CPSF6: variants seen among roughly 807,000 people sequenced by gnomAD.
The protein encoded by CPSF6 is cleavage and polyadenylation specific factor 6, also known as cleavage and polyadenylation specificity factor subunit 6.
In CPSF6, 10 loss-of-function variants were observed where a neutral mutation model predicts 56.7. That is an observed-to-expected ratio of 0.18 (90% CI 0.11 to 0.30). The LOEUF is 0.30. CPSF6 is among the 10% of genes least tolerant of loss of function. CPSF6 has a pLI of 1.00. For synonymous variants in CPSF6, 248 were observed against 244.8 expected (o/e 1.01, Z -0.12); for missense variants, 419 against 722.9 (o/e 0.58, Z 4.82).
At chr12:69,255,720 G>A (rs2120541808) in intron 3 of CPSF6, among the ~76,000 whole-genome samples, 1 of 152,236 alleles carries the variant, frequency 6.6e-6, no homozygotes, top group African/African-American at 2.4e-5. Flanking sequence ...TGAATTTTTA[G>A]TAGAGACGGG....
chr12:69,264,232 G>C (rs1411553467), intron 9 of CPSF6, among the ~76,000 whole-genome samples: 1 of 151,982 alleles, frequency 6.6e-6, no homozygotes, highest in Non-Finnish European at 1.5e-5. Flanking sequence ...GGTTCTGTAA[G>C]TTACCTATTT....
rs183225691 is a variant in CPSF6, at chr12:69,260,336, T to G, written c.1469+139T>G. The G allele has an allele frequency of 5.4e-5, 33 of 615,472 alleles. No individual in the cohort carries two copies. In the African/African-American group the frequency reaches 5.9e-4, roughly 11 times the overall value. The allele number at this position is 615,472 out of a possible 1,614,324, so 38.1% of individuals were successfully genotyped here. A position where few individuals can be genotyped will look rare whatever the true frequency, so the allele number is the denominator to read the frequency against. On this transcript the variant is annotated intron_variant, in intron 8 of 9. Coordinates refer to ENST00000435070, the MANE Select transcript of CPSF6 (RefSeq NM_007007.3). The stretch of plus-strand genomic sequence containing the variant: ...CTGGAGTGGTTTTTTTTTTTAACTC[T>G]AAATGTTAGTTGCTTGCTTAAAACC...
chr12:69,247,973 A>G (rs1000389587), intron 1 of CPSF6, among the ~76,000 whole-genome samples: 1 of 152,242 alleles, frequency 6.6e-6, no homozygotes, highest in African/African-American at 2.4e-5. Flanking sequence ...CCACATGGAG[A>G]TCAAACCCCA....
chr12:69,262,312 A>T (rs1872775712), intron 8 of CPSF6, 61 bp from the exon 9 acceptor site: 3 of 1,441,210 alleles, frequency 2.1e-6, no homozygotes, highest in African/African-American at 1.4e-5. Flanking sequence ...ACATCAAAAA[A>T]TTGAATATTT....
In CPSF6 at chr12:69,273,097, G is replaced by T. The variant is rs778078441; in HGVS notation, c.*3589G>T. 2.3e-6 allele frequency: 1 copy of T among 426,022 alleles called. No individual in the cohort carries two copies. The highest frequency in any genetic ancestry group is 2.1e-5 in the African/African-American group (1 of 48,228). The allele number at this position is 426,022 out of a possible 1,614,324, so 26.4% of individuals were successfully genotyped here. A position where few individuals can be genotyped will look rare whatever the true frequency, so the allele number is the denominator to read the frequency against. ...TTGATTTAGATAAATCAAGATTCAGGATTAAAGTTTCATTGTAAGTTGAAA... is the reference window on the plus strand; with the variant it reads ...TTGATTTAGATAAATCAAGATTCAGTATTAAAGTTTCATTGTAAGTTGAAA... On this transcript the variant is annotated 3_prime_UTR_variant, in exon 10 of 10. Transcript: ENST00000435070.
In CPSF6 at chr12:69,249,188, G is replaced by A. The variant is rs375401928; in HGVS notation, c.61-1941G>A. 5.7e-3 allele frequency among the ~76,000 whole-genome samples: 732 copies of A among 128,216 alleles called. 30 individuals are homozygous for A. Among genetic ancestry groups the A allele is most frequent in the African/African-American group, 0.021 (684 of 32,260 alleles). The allele number at this position is 128,216 out of a possible 152,430, so 84.1% of individuals were successfully genotyped here. A position where few individuals can be genotyped will look rare whatever the true frequency, so the allele number is the denominator to read the frequency against. ...GGGGGGGCTGAGGCAGGAGAATGGC[G>A]TGAACCCAGGAGGCGGAGCTTGCAG... On this transcript the variant is annotated intron_variant, in intron 1 of 9. Coordinates refer to ENST00000435070, the MANE Select transcript of CPSF6 (RefSeq NM_007007.3).
At chr12:69,252,193 G>C (rs1460175144) in intron 2 of CPSF6, 4 of 426,700 alleles carry the variant, frequency 9.4e-6, no homozygotes. Flanking sequence ...TCCTGTGTCA[G>C]CCTCCAAGTA....
rs1872585031 is a variant in CPSF6, at chr12:69,258,065, C to T, written c.694+160C>T. On this transcript the variant is annotated intron_variant, in intron 5 of 9. Coordinates refer to ENST00000435070, the MANE Select transcript of CPSF6 (RefSeq NM_007007.3). This position sits in a 1 kb window ranked among gnomAD's most constrained non-coding sequence, Gnocchi z 4.2. ...TTGATCAAGCATCTTGTTAAAGGAA[C>T]TCGGCCTTTGTTCCTGGAAACTAGG... 7.8e-6 allele frequency: 12 copies of T among 1,537,834 alleles called. No individual in the cohort carries two copies. The highest frequency in any genetic ancestry group is 9.6e-6 in the Non-Finnish European group (11 of 1,146,736).
intron 1 of CPSF6, among the ~76,000 whole-genome samples, chr12:69,242,034 T>G (rs1293117731): frequency 6.6e-6 from 1 of 152,178 alleles, no homozygotes; most frequent in Non-Finnish European, 1.5e-5. Flanking sequence ...CTTACCAGAA[T>G]TAGAGGCAAC....
intron 9 of CPSF6, among the ~76,000 whole-genome samples, chr12:69,266,028 A>G (rs112946155): frequency 7.8e-4 from 20 of 25,666 alleles, no homozygotes; most frequent in African/African-American, 3.0e-3. Context: ...GTTAATTTTG[A>G]AAAAAAAAAA....
In CPSF6 at chr12:69,273,260, G is replaced by A. The variant is rs186330564; in HGVS notation, c.*3752G>A. On this transcript the variant is annotated 3_prime_UTR_variant, in exon 10 of 10. Transcript: ENST00000435070. ...ACACTGTTCAGATTGATTTAGGTTT[G>A]TCTTAACCAATGTTCTTTTTTTAGA... The A allele has an allele frequency of 1.5e-3, 646 of 421,026 alleles. 2 individuals are homozygous for A. The highest frequency in any genetic ancestry group is 2.2e-3 in the Non-Finnish European group (460 of 207,172). The allele number at this position is 421,026 out of a possible 1,614,324, so 26.1% of individuals were successfully genotyped here. A position where few individuals can be genotyped will look rare whatever the true frequency, so the allele number is the denominator to read the frequency against.
At chr12:69,241,552 G>T (rs1451237581) in intron 1 of CPSF6, among the ~76,000 whole-genome samples, 1 of 152,160 alleles carries the variant, frequency 6.6e-6, no homozygotes, top group Non-Finnish European at 1.5e-5. Context: ...ACCTCTTAAT[G>T]AAATATTTTT....
intron 3 of CPSF6, among the ~76,000 whole-genome samples, chr12:69,253,416 G>T (rs1280615656): frequency 1.3e-5 from 2 of 152,062 alleles, no homozygotes; most frequent in Non-Finnish European, 2.9e-5. Flanking sequence ...TCTATCTGTG[G>T]TTGAAATGGT....
intron 8 of CPSF6, among the ~76,000 whole-genome samples, chr12:69,260,560 G>A (rs568534727): frequency 6.6e-6 from 1 of 152,086 alleles, no homozygotes; most frequent in African/African-American, 2.4e-5. Context: ...CCTTCTGCTG[G>A]GAGCAGTTTT....
At chr12:69,251,101 A>T in intron 1 of CPSF6, 28 bp from the exon 2 acceptor site, 1 of 1,584,060 alleles carries the variant, frequency 6.3e-7, no homozygotes, top group Non-Finnish European at 8.6e-7. Flanking sequence ...ACTTTTGTAT[A>T]ATCTAGAGCA....
chr12:69,260,559 G>T (rs1872701729), intron 8 of CPSF6, among the ~76,000 whole-genome samples: 1 of 152,016 alleles, frequency 6.6e-6, no homozygotes, highest in African/African-American at 2.4e-5. Context: ...TCCTTCTGCT[G>T]GGAGCAGTTT....
chr12:69,269,185 T>C (rs1179181142), intron 9 of CPSF6, among the ~76,000 whole-genome samples: 3 of 151,904 alleles, frequency 2.0e-5, no homozygotes, highest in Admixed American at 2.0e-4. Context: ...ATTTTTGTAG[T>C]ATGCATATTT....
At chr12:69,254,344 A>G (rs2120530404) in intron 3 of CPSF6, among the ~76,000 whole-genome samples, 1 of 152,272 alleles carries the variant, frequency 6.6e-6, no homozygotes, top group Non-Finnish European at 1.5e-5. Context: ...TGTTGGCCAG[A>G]CCAATTCCTA....
chr12:69,239,610 AGGCGGCGGC>A lies in CPSF6; in HGVS notation c.-24_-16del, dbSNP rs574075893. On this transcript the variant is annotated 5_prime_UTR_variant, in exon 1 of 10. Transcript: ENST00000435070. ...CTGCCGCGGCGGGCAGACCTGCAGG[AGGCGGCGGC>A]GGCGGCGGCGGCCGAGGCTGAAGGA... 245 of 1,472,220 alleles carry A rather than the reference AGGCGGCGGC, an allele frequency of 1.7e-4. No homozygotes were observed. Among genetic ancestry groups the A allele is most frequent in the Admixed American group, 4.3e-4 (21 of 48,982 alleles). 91.2% of individuals were successfully genotyped at this position (1,472,220 alleles called of 1,614,324 possible). A position where few individuals can be genotyped will look rare whatever the true frequency, so the allele number is the denominator to read the frequency against.
Sources: allele counts gnomAD v4.1 joint callset (sites outside exome capture counted in the v4.1 genomes callset), GRCh38; gene constraint gnomAD v4.1.1; non-coding constraint Gnocchi (gnomAD v3.1); transcripts MANE v1.5; gene names NCBI Gene and HGNC (gene_info 2026-07-23, HGNC 2026-07-21).